IL7: variants seen among roughly 807,000 people sequenced by gnomAD.
IL7 encodes interleukin-7.
In IL7, 3 loss-of-function variants were observed where a neutral mutation model predicts 21.6. The observed-to-expected ratio is 0.14, with a 90% CI of 0.06 to 0.36. The LOEUF is 0.36. IL7 is among the 10% of genes least tolerant of loss of function. The probability of loss-of-function intolerance (pLI) is 1.00; values close to 1 mark genes in which losing one functional copy is unlikely to be tolerated. For missense variants in IL7, 175 were observed against 200.2 expected, an observed-to-expected ratio of 0.87 and a Z score of 0.76; for synonymous variants, 62 against 68.1, an observed-to-expected ratio of 0.91 and a Z score of 0.44.
chr8:78,777,582 T>C (rs1414484783), intron 2 of IL7, among the ~76,000 whole-genome samples: 3 of 152,086 alleles, frequency 2.0e-5, no homozygotes. Context: ...GCAAGAACTA[T>C]ATTTTATCAA....
At chr8:78,764,034 G>A (rs975888895) in intron 2 of IL7, among the ~76,000 whole-genome samples, 1 of 152,130 alleles carries the variant, frequency 6.6e-6, no homozygotes, top group Non-Finnish European at 1.5e-5. Flanking sequence ...ATGCAAAGGT[G>A]TTTTAACATT....
intron 2 of IL7, among the ~76,000 whole-genome samples, chr8:78,743,289 T>C (rs1333651825): frequency 1.3e-5 from 2 of 152,174 alleles, no homozygotes; most frequent in Non-Finnish European, 2.9e-5. Flanking sequence ...AGTATATCTG[T>C]CTTTAGGTCT....
At chr8:78,790,887 C>T (rs766020642) in intron 2 of IL7, among the ~76,000 whole-genome samples, 2 of 151,636 alleles carry the variant, frequency 1.3e-5, no homozygotes, top group Non-Finnish European at 2.9e-5. Context: ...AAATGATGGT[C>T]CCAAATTAGT....
In IL7 at chr8:78,733,519, G is replaced by T; in HGVS notation, c.*194C>A. 2.1e-6 allele frequency: 1 copy of T among 486,530 alleles called. No homozygotes were observed. Among genetic ancestry groups the T allele is most frequent in the East Asian group, 3.9e-5 (1 of 25,358 alleles). 30.1% of individuals were successfully genotyped at this position (486,530 alleles called of 1,614,324 possible). A position where few individuals can be genotyped will look rare whatever the true frequency, so the allele number is the denominator to read the frequency against. On this transcript the variant is annotated 3_prime_UTR_variant, in exon 6 of 6. Coordinates refer to ENST00000263851, the MANE Select transcript of IL7 (RefSeq NM_000880.4). ...TATATAAGAAATAGTTTGTTGACTG[G>T]AGCATTCAGTTTCCATTGTTTGTAT...
At chr8:78,755,989 T>C (rs1280713374) in intron 2 of IL7, among the ~76,000 whole-genome samples, 3 of 152,030 alleles carry the variant, frequency 2.0e-5, no homozygotes, top group Admixed American at 2.0e-4. Context: ...CTTTATTGAG[T>C]TGCAATACTT....
Position 78,742,489 on chromosome 8 carries a change from G to A in IL7, c.148-2407C>T, listed in dbSNP as rs541765613. ...TTTTCTAGTATAAAACATGACATTG[G>A]CTAAGTTCTTTTTTTTAGGTGAAGT... is the stretch of plus-strand genomic sequence containing the variant. On this transcript the variant is annotated intron_variant, in intron 2 of 5. Transcript: ENST00000263851. Among the ~76,000 whole-genome samples, 7 of 152,120 alleles carry A rather than the reference G, an allele frequency of 4.6e-5. 1 individual carries two copies. The South Asian group carries it at 1.5e-3, about 32-fold the overall frequency.
chr8:78,765,497 C>T (rs749938817), intron 2 of IL7, among the ~76,000 whole-genome samples: 4 of 151,934 alleles, frequency 2.6e-5, no homozygotes, highest in Non-Finnish European at 5.9e-5. Flanking sequence ...AGACAATTTA[C>T]AACCCAATAA....
At chr8:78,783,412 G>A (rs569310516) in intron 2 of IL7, among the ~76,000 whole-genome samples, 1 of 152,038 alleles carries the variant, frequency 6.6e-6, no homozygotes, top group East Asian at 1.9e-4. Context: ...TCTGTCAGTT[G>A]CACCAACCAC....
chr8:78,680,891 G>C (rs755243364), intron 4 of IL7, among the ~76,000 whole-genome samples: 19 of 152,166 alleles, frequency 1.2e-4, no homozygotes, highest in Non-Finnish European at 2.1e-4. Context: ...ACTGGGAGGA[G>C]CTGTAGGAAT....
intron 2 of IL7, among the ~76,000 whole-genome samples, chr8:78,777,500 C>T (rs1813170129): frequency 6.6e-6 from 1 of 152,048 alleles, no homozygotes; most frequent in South Asian, 2.1e-4. Context: ...TTCAGTTTTA[C>T]TCTTCCTTTT....
At chr8:78,680,909 G>C (rs1809756062) in intron 4 of IL7, among the ~76,000 whole-genome samples, 1 of 152,144 alleles carries the variant, frequency 6.6e-6, no homozygotes, top group Non-Finnish European at 1.5e-5. Flanking sequence ...AATTTGGATA[G>C]CTACCAGCTG....
chr8:78,676,141 AAAT>A (rs1809572883), intron 4 of IL7: 13 of 243,116 alleles, frequency 5.3e-5, no homozygotes, highest in Non-Finnish European at 7.8e-5. Flanking sequence ...AAAAAAAACA[AAAT>A]CAGATACCTT....
downstream of IL7, chr8:78,715,299 A>G (rs1003982517): frequency 2.5e-6 from 4 of 1,613,738 alleles, no homozygotes; most frequent in African/African-American, 2.7e-5. Context: ...CAAACAAAAG[A>G]AAAACATATA....
At chr8:78,675,900 G>C (rs758234109) in exon 5 of IL7, 2 of 1,545,402 alleles carry the variant, frequency 1.3e-6, no homozygotes, top group Admixed American at 1.7e-5. Flanking sequence ...TGGTTTTACA[G>C]ATCTGTAATT....
At chr8:78,765,220 T>C (rs1410043750) in intron 2 of IL7, among the ~76,000 whole-genome samples, 1 of 152,056 alleles carries the variant, frequency 6.6e-6, no homozygotes, top group Admixed American at 6.5e-5. Context: ...TGCAAGATTA[T>C]AAAAATCTTA....
At position 78,694,230 on chromosome 8, in the gene IL7, T is replaced by C. The variant is rs887546967; in HGVS notation, n.215-8283A>G. On this transcript the variant is annotated intron_variant and non_coding_transcript_variant, in intron 3 of 4. Transcript: ENST00000523959. ...TAAATGTAGTACTCATAGTTGTTTGTAATGTGTGTCTGATAATTATAGCAA... is the reference window on the plus strand; with the variant it reads ...TAAATGTAGTACTCATAGTTGTTTGCAATGTGTGTCTGATAATTATAGCAA... 3.9e-5 allele frequency among the ~76,000 whole-genome samples: 6 copies of C among 152,156 alleles called. No homozygotes were observed. In the East Asian group the frequency reaches 1.2e-3, roughly 29 times the overall value.
chr8:78,711,353 TTATAATTTTGGTCAAAA>T (rs1264551095), intron 3 of IL7, among the ~76,000 whole-genome samples: 5 of 152,100 alleles, frequency 3.3e-5, no homozygotes, highest in Non-Finnish European at 7.4e-5. Context: ...TGGAGAGCCT[TTATAATTTTGGTCAAAA>T]TGTGTGTGTG....
rs1237582264 is a variant in IL7, at chr8:78,802,434, C to CTT, written c.10+2477_10+2478dup. 5.4e-3 allele frequency among the ~76,000 whole-genome samples: 776 copies of CTT among 143,476 alleles called. 6 individuals carry two copies. The highest frequency in any genetic ancestry group is 0.017 in the African/African-American group (656 of 39,176). The allele number at this position is 143,476 out of a possible 152,430, so 94.1% of individuals were successfully genotyped here. ...AAATTCCTTTCGTATTTTTCTCTCT[C>CTT]TTTTTTTTTTTTTTGATATGGAGTC... On this transcript the variant is annotated intron_variant, in intron 1 of 5. Coordinates refer to ENST00000263851, the MANE Select transcript of IL7 (RefSeq NM_000880.4).
chr8:78,735,533 C>A (rs931736134), intron 5 of IL7, among the ~76,000 whole-genome samples: 10 of 152,000 alleles, frequency 6.6e-5, no homozygotes, highest in African/African-American at 2.2e-4. Flanking sequence ...TGGTCTTGAT[C>A]TTTCCACCTT....
Sources: allele counts gnomAD v4.1 joint callset (sites outside exome capture counted in the v4.1 genomes callset), GRCh38; gene constraint gnomAD v4.1.1; transcripts MANE v1.5; gene names NCBI Gene and HGNC (gene_info 2026-07-23, HGNC 2026-07-21).